Variants in LHX4 observed in about 807,000 individuals in gnomAD.
LHX4 encodes LIM homeobox 4, also known as LIM/homeobox protein Lhx4.
Under a neutral mutation model 39.2 loss-of-function variants are expected in LHX4, and 16 were observed. The observed-to-expected ratio is 0.41, with a 90% CI of 0.28 to 0.62. LHX4 has a LOEUF of 0.62. Ranked by LOEUF, LHX4 falls within the 20% of genes least tolerant of loss-of-function variation. LHX4 has a pLI of 0.33. For synonymous variants in LHX4, 206 were observed against 198.1 expected (o/e 1.04, Z -0.33); for missense variants, 439 against 511.9 (o/e 0.86, Z 1.37).
In LHX4 at chr1:180,275,026, G is replaced by A. The variant is rs533717296; in HGVS notation, c.*447G>A. ...AAGGTAGAGGCCTCACAGCCCTTGA[G>A]TAAAATAAAAGTGATTTCTGGACCA... On this transcript the variant is annotated 3_prime_UTR_variant, in exon 6 of 6. Coordinates refer to ENST00000263726, the MANE Select transcript of LHX4 (RefSeq NM_033343.4). 6.3e-6 allele frequency: 1 copy of A among 158,078 alleles called. No homozygotes were observed. Among genetic ancestry groups the A allele is most frequent in the Admixed American group, 6.4e-5 (1 of 15,636 alleles). 9.8% of individuals were successfully genotyped at this position (158,078 alleles called of 1,614,324 possible).
At chr1:180,230,230 A>G, upstream of LHX4, 1 of 425,102 alleles carries the variant, frequency 2.4e-6, no homozygotes, top group Non-Finnish European at 4.3e-6. This position sits in a 1 kb window ranked among gnomAD's most constrained non-coding sequence, Gnocchi z 5.8. Context: ...GGGAGGGGGA[A>G]GGAGCGGGCG....
At chr1:180,256,885 C>G (rs570615934) in intron 2 of LHX4, among the ~76,000 whole-genome samples, 1 of 152,320 alleles carries the variant, frequency 6.6e-6, no homozygotes, top group East Asian at 1.9e-4. Context: ...GACCTTGGGC[C>G]AGGCAGCTGA....
chr1:180,245,583 C>T (rs1647351338), intron 1 of LHX4, among the ~76,000 whole-genome samples: 3 of 152,332 alleles, frequency 2.0e-5, no homozygotes, highest in African/African-American at 2.4e-5. Flanking sequence ...AAAATGCCCA[C>T]GAACATGGGT....
Position 180,246,249 on chromosome 1 carries a change from C to T in LHX4, c.77-2036C>T, listed in dbSNP as rs889806158. Among the ~76,000 whole-genome samples the T allele has an allele frequency of 2.6e-5, 4 of 152,018 alleles. No individual in the cohort carries two copies. The South Asian group carries it at 8.3e-4, about 32-fold the overall frequency. On this transcript the variant is annotated intron_variant, in intron 1 of 5. Transcript: ENST00000263726. ...CTAGTGATGGCATTTAGTGAGTGTC[C>T]CAATAGCCTATTTATAGGGTTTAAG...
At chr1:180,248,564 C>A in intron 2 of LHX4, 108 bp downstream of exon 2, 1 of 1,191,770 alleles carries the variant, frequency 8.4e-7, no homozygotes. Context: ...AGAGTCCACT[C>A]TGGGAGGGGC....
At chr1:180,239,589 G>C (rs556962614) in intron 1 of LHX4, among the ~76,000 whole-genome samples, 2 of 152,294 alleles carry the variant, frequency 1.3e-5, no homozygotes, top group South Asian at 4.1e-4. Context: ...AAAGGTTTTG[G>C]GCAAAAATCC....
chr1:180,267,072 T>C (rs1648348921), intron 3 of LHX4, among the ~76,000 whole-genome samples: 2 of 152,322 alleles, frequency 1.3e-5, no homozygotes, highest in Non-Finnish European at 2.9e-5. Context: ...TTCATACATC[T>C]GTCTGTTAAT....
chr1:180,274,495 C>G lies in LHX4; in HGVS notation c.1089C>G (p.Ile363Met). Residue 363 changes from isoleucine (I) to methionine (M), a missense_variant, in exon 6 of 6, where the codon ATC (isoleucine) becomes ATG (methionine). By Grantham distance (10) the Ile-to-Met change is conservative. Coordinates refer to ENST00000263726, the MANE Select transcript of LHX4 (RefSeq NM_033343.4). ...TGGCTGGGGGACCCACCTCTGACAT[C>G]TCCACAGGAAGCAGTGTAGGCTATC... is the stretch of plus-strand genomic sequence containing the variant. The part of the protein sequence containing the change: ...RAMAGGPTSD[I>M]STGSSVGYPD... The G allele has an allele frequency of 6.2e-7, 1 of 1,613,756 alleles. No individual in the cohort carries two copies. Among genetic ancestry groups the G allele is most frequent in the Non-Finnish European group, 8.5e-7 (1 of 1,180,018 alleles).
At chr1:180,231,962 T>C (rs1242119338) in intron 1 of LHX4, among the ~76,000 whole-genome samples, 1 of 152,212 alleles carries the variant, frequency 6.6e-6, no homozygotes, top group Non-Finnish European at 1.5e-5. Context: ...TCTACAGTTA[T>C]TCTTTGAGTG....
intron 2 of LHX4, among the ~76,000 whole-genome samples, chr1:180,249,887 G>A (rs1647543705): frequency 6.6e-6 from 1 of 150,822 alleles, no homozygotes; most frequent in African/African-American, 2.5e-5. Flanking sequence ...GCGTGTGTGA[G>A]TGTGTGTATG....
chr1:180,260,251 C>T (rs981132595), intron 2 of LHX4, among the ~76,000 whole-genome samples: 1 of 151,740 alleles, frequency 6.6e-6, no homozygotes, highest in Non-Finnish European at 1.5e-5. Context: ...TTATTACCAG[C>T]GTCTCAGTGA....
chr1:180,276,173 G>C lies in LHX4; in HGVS notation c.*1594G>C, dbSNP rs1649015220. On this transcript the variant is annotated 3_prime_UTR_variant, in exon 6 of 6. Transcript: ENST00000263726. ...GGTGAGAAGGCATTGCCTATCACAT[G>C]AAGTGATGGGGCCAGAGACCCTAAG... 1 of 152,270 alleles carries C rather than the reference G, an allele frequency of 6.6e-6. No homozygotes were observed. Among genetic ancestry groups the C allele is most frequent in the Non-Finnish European group, 1.5e-5 (1 of 68,052 alleles). The allele number at this position is 152,270 out of a possible 1,614,324, so 9.4% of individuals were successfully genotyped here.
At position 180,232,194 on chromosome 1, in the gene LHX4, G is replaced by A. The variant is rs1664199798; in HGVS notation, c.76+1589G>A. On this transcript the variant is annotated intron_variant, in intron 1 of 5. Transcript: ENST00000263726. The surrounding 1 kb of genome is among the most constrained non-coding windows in gnomAD (Gnocchi z 5.4). ...GCTTGTAGCTCTGCGCGAGTGAGGAGACTGCATGAGTGGGGGAAGGGTGTG... is the reference window on the plus strand; with the variant it reads ...GCTTGTAGCTCTGCGCGAGTGAGGAAACTGCATGAGTGGGGGAAGGGTGTG... Among the ~76,000 whole-genome samples, 1 of 152,202 alleles carries A rather than the reference G, an allele frequency of 6.6e-6. No homozygotes were observed. Among genetic ancestry groups the A allele is most frequent in the Non-Finnish European group, 1.5e-5 (1 of 68,032 alleles).
At chr1:180,258,542 G>A (rs1446046912) in intron 2 of LHX4, among the ~76,000 whole-genome samples, 5 of 152,318 alleles carry the variant, frequency 3.3e-5, no homozygotes, top group East Asian at 1.9e-4. Flanking sequence ...GGGCATGGGC[G>A]GAAGCGGGGA....
In LHX4 at chr1:180,234,976, C is replaced by T. The variant is rs957120982; in HGVS notation, c.76+4371C>T. Among the ~76,000 whole-genome samples the T allele has an allele frequency of 1.3e-5, 2 of 152,226 alleles. No homozygotes were observed. Among genetic ancestry groups the T allele is most frequent in the Non-Finnish European group, 2.9e-5 (2 of 68,036 alleles). ...TCTTTAAATGAGCGTTTGCTGCGCA[C>T]CCATGGGCGGCTCACGATCCTGGGC... On this transcript the variant is annotated intron_variant, in intron 1 of 5. Transcript: ENST00000263726. This position sits in a 1 kb window ranked among gnomAD's most constrained non-coding sequence, Gnocchi z 4.8.
At chr1:180,252,255 G>A (rs550696137) in intron 2 of LHX4, among the ~76,000 whole-genome samples, 6 of 152,260 alleles carry the variant, frequency 3.9e-5, no homozygotes, top group Admixed American at 2.6e-4. Context: ...ACCGTGCTGG[G>A]GCAGGAGGGG....
intron 2 of LHX4, among the ~76,000 whole-genome samples, chr1:180,250,400 G>T (rs1448358461): frequency 1.3e-5 from 2 of 152,194 alleles, no homozygotes; most frequent in African/African-American, 4.8e-5. Flanking sequence ...CATAATGTGT[G>T]TGTGAAGAGG....
chr1:180,260,280 T>G (rs376055469), intron 2 of LHX4, among the ~76,000 whole-genome samples: 93 of 151,812 alleles, frequency 6.1e-4, no homozygotes, highest in Admixed American at 1.6e-3. Context: ...TGGTACATCA[T>G]GCGGGTCTGC....
At chr1:180,242,604 A>G (rs899288764) in intron 1 of LHX4, among the ~76,000 whole-genome samples, 3 of 152,110 alleles carry the variant, frequency 2.0e-5, no homozygotes, top group East Asian at 1.9e-4. Context: ...TGCCTCGACT[A>G]TGTCCCTCTG....
Sources: gnomAD v4.1 joint callset for allele counts (sites outside exome capture counted in the v4.1 genomes callset) on GRCh38, gnomAD v4.1.1 for gene constraint, Gnocchi (gnomAD v3.1) non-coding constraint, MANE v1.5 for transcripts, NCBI Gene and HGNC (gene_info 2026-07-23, HGNC 2026-07-21) for gene names.